The following PHF21A variants were observed in gnomAD, a reference collection of about 807,000 sequenced individuals.
PHF21A encodes the protein PHD finger protein 21A.
In PHF21A, 11 loss-of-function variants were observed where a neutral mutation model predicts 82.5. The ratio of observed to expected loss-of-function variants is 0.13; its 90% CI spans 0.08 to 0.22. The LOEUF is 0.22. Ranked by LOEUF, PHF21A falls within the 10% of genes least tolerant of loss-of-function variation. PHF21A has a pLI of 1.00. For missense variants in PHF21A, 579 were observed against 837.8 expected (o/e 0.69, Z 3.81); for synonymous variants, 297 against 302.8 (o/e 0.98, Z 0.20).
At chr11:45,963,420 CAAAAAAAAA>C (rs35389845) in intron 10 of PHF21A, among the ~76,000 whole-genome samples, 2 of 89,956 alleles carry the variant, frequency 2.2e-5, no homozygotes, top group African/African-American at 3.9e-5. Flanking sequence ...AACTCTGTGT[CAAAAAAAAA>C]AAAAAAAAAG....
rs2087727412 is a variant in PHF21A at position 45,932,335 on chromosome 11, C to T, written c.*1633G>A. On this transcript the variant is annotated 3_prime_UTR_variant, in exon 19 of 19. Transcript: ENST00000676320. The surrounding 1 kb of genome is among the most constrained non-coding windows in gnomAD (Gnocchi z 4.3). ...TTGCTCTAGCAGAATCTGAGAAGAC[C>T]ACGGGTAGGGCCCTGATACCATCCA... The T allele has an allele frequency of 6.6e-6, 1 of 152,242 alleles. No homozygotes were observed. The highest frequency in any genetic ancestry group is 2.1e-4 in the South Asian group (1 of 4,826). The allele number at this position is 152,242 out of a possible 1,614,324, so 9.4% of individuals were successfully genotyped here. A position where few individuals can be genotyped will look rare whatever the true frequency, so the allele number is the denominator to read the frequency against.
At chr11:46,049,535 G>A (rs1028599999) in intron 6 of PHF21A, 19 of 455,510 alleles carry the variant, frequency 4.2e-5, no homozygotes. Flanking sequence ...AGGTCAGGTA[G>A]AAGAGGGTGT....
intron 4 of PHF21A, among the ~76,000 whole-genome samples, chr11:46,082,178 GA>G (rs1480567282): frequency 3.3e-5 from 5 of 152,094 alleles, no homozygotes; most frequent in Admixed American, 3.3e-4. Flanking sequence ...AAAACACAAA[GA>G]ACAAAAATAT....
intron 2 of PHF21A, among the ~76,000 whole-genome samples, chr11:46,091,383 C>A (rs1374868657): frequency 6.6e-6 from 1 of 151,756 alleles, no homozygotes; most frequent in East Asian, 1.9e-4. Context: ...CCTGTGCATT[C>A]AAAGAAATGT....
chr11:45,944,568 C>T (rs1225926930), intron 15 of PHF21A, among the ~76,000 whole-genome samples: 3 of 152,176 alleles, frequency 2.0e-5, no homozygotes, highest in African/African-American at 7.2e-5. Flanking sequence ...TTCCCACCAC[C>T]CTGGCCAGCT....
intron 5 of PHF21A, 33 bp from the exon 6 acceptor site, chr11:46,076,852 A>ATATT: frequency 1.3e-6 from 2 of 1,541,002 alleles, no homozygotes; most frequent in Non-Finnish European, 1.8e-6. Context: ...TGTGAGAAAG[A>ATATT]TATTTCATTT....
chr11:46,074,773 G>C (rs1198598389), intron 6 of PHF21A, among the ~76,000 whole-genome samples: 1 of 152,200 alleles, frequency 6.6e-6, no homozygotes, highest in Non-Finnish European at 1.5e-5. Flanking sequence ...AAAGTGCTGG[G>C]ATTACAGGCG....
chr11:46,004,167 A>G (rs2095231570), intron 6 of PHF21A, among the ~76,000 whole-genome samples: 1 of 152,206 alleles, frequency 6.6e-6, no homozygotes, highest in Non-Finnish European at 1.5e-5. Context: ...AAAAATGTTT[A>G]AATTTATTTT....
At chr11:45,952,335 G>A (rs886857799) in intron 11 of PHF21A, among the ~76,000 whole-genome samples, 5 of 152,068 alleles carry the variant, frequency 3.3e-5, no homozygotes, top group East Asian at 1.9e-4. Context: ...TAGACCTCCC[G>A]GGCTCAAGTG....
rs1169095438 is a variant in PHF21A, at chr11:45,945,466, TG to T, written c.1452+373del. ...ATTTGAAGCAGCAAACAAGGGCTGCTGGGGGACTGTATGTCTTGTTCATTTT... is the reference window on the plus strand; with the variant it reads ...ATTTGAAGCAGCAAACAAGGGCTGCTGGGGACTGTATGTCTTGTTCATTTT... On this transcript the variant is annotated intron_variant, in intron 15 of 18. Transcript: ENST00000676320. Among the ~76,000 whole-genome samples, 3 of 152,212 alleles carry T rather than the reference TG, an allele frequency of 2.0e-5. No individual in the cohort carries two copies. The East Asian group carries it at 5.8e-4, about 29-fold the overall frequency.
chr11:46,084,081 T>C, intron 4 of PHF21A, 85 bp downstream of exon 4: 1 of 996,006 alleles, frequency 1.0e-6, no homozygotes, highest in South Asian at 1.6e-5. Flanking sequence ...TATTAAAAAC[T>C]ATACTAAACA....
intron 6 of PHF21A, among the ~76,000 whole-genome samples, chr11:46,071,001 A>AT (rs1257674745): frequency 6.6e-6 from 1 of 151,904 alleles, no homozygotes; most frequent in Non-Finnish European, 1.5e-5. Flanking sequence ...ATGGTTAAAA[A>AT]TTTTTTTTGA....
In PHF21A at chr11:45,946,502, G is replaced by A. The variant is rs368412505; in HGVS notation, c.1289-499C>T. Among the ~76,000 whole-genome samples, 83 of 152,208 alleles carry A rather than the reference G, an allele frequency of 5.5e-4. 1 individual carries two copies. The South Asian group carries it at 0.017, about 31-fold the overall frequency. ...GGGTTCAAGCCATTCTCCTGCCTCAGCCTCCCACGTAGCTGGGACAACAGG... is the reference window on the plus strand; with the variant it reads ...GGGTTCAAGCCATTCTCCTGCCTCAACCTCCCACGTAGCTGGGACAACAGG... On this transcript the variant is annotated intron_variant, in intron 14 of 18. Transcript: ENST00000676320.
intron 4 of PHF21A, among the ~76,000 whole-genome samples, chr11:46,083,170 A>T (rs2096814363): frequency 8.7e-6 from 1 of 115,158 alleles, no homozygotes; most frequent in African/African-American, 4.0e-5. Flanking sequence ...AGCAAAGTTA[A>T]AAAAAAAAAA....
intron 6 of PHF21A, among the ~76,000 whole-genome samples, chr11:46,045,504 T>C (rs1204724128): frequency 2.0e-5 from 3 of 152,202 alleles, no homozygotes; most frequent in East Asian, 3.8e-4. Context: ...TTACTTGCTA[T>C]ATTTTACCCA....
chr11:46,025,016 C>T (rs1018355475), intron 6 of PHF21A, among the ~76,000 whole-genome samples: 3 of 152,138 alleles, frequency 2.0e-5, no homozygotes, highest in Admixed American at 6.5e-5. Context: ...TGTTCCACCT[C>T]GCTTCTTAAT....
At chr11:46,011,552 A>G (rs1486012703) in intron 6 of PHF21A, among the ~76,000 whole-genome samples, 15 of 152,114 alleles carry the variant, frequency 9.9e-5, no homozygotes, top group Non-Finnish European at 8.8e-5. Flanking sequence ...AATTTCTAAG[A>G]TACTTTCTCG....
intron 1 of PHF21A, among the ~76,000 whole-genome samples, chr11:46,101,849 T>C (rs927879263): frequency 6.6e-6 from 1 of 150,874 alleles, no homozygotes; most frequent in African/African-American, 2.4e-5. Context: ...TTGCCCGTGC[T>C]GGTCTCCCTC....
intron 6 of PHF21A, among the ~76,000 whole-genome samples, chr11:46,066,760 G>C (rs1227796803): frequency 1.3e-5 from 2 of 152,002 alleles, no homozygotes; most frequent in African/African-American, 4.8e-5. Flanking sequence ...CATATATAAA[G>C]TTAAACGTGC....
Sources: allele counts gnomAD v4.1 joint callset (sites outside exome capture counted in the v4.1 genomes callset), GRCh38; gene constraint gnomAD v4.1.1; non-coding constraint Gnocchi (gnomAD v3.1); transcripts MANE v1.5; gene names NCBI Gene and HGNC (gene_info 2026-07-23, HGNC 2026-07-21).